CCDC171: variants seen among roughly 807,000 people sequenced by gnomAD.
CCDC171 encodes coiled-coil domain containing 171.
A neutral mutation model predicts 168.2 loss-of-function variants in CCDC171; 177 were observed. That is an observed-to-expected ratio of 1.05 (90% confidence interval 0.93 to 1.19). The LOEUF (loss-of-function observed/expected upper bound fraction) is 1.19, where lower values mean the gene tolerates loss of function less well. Among genes scored for constraint, CCDC171 ranks in the 50% most tolerant of loss-of-function variants. The pLI, the probability that CCDC171 is intolerant of heterozygous loss-of-function variation, is 0.00. For synonymous variants in CCDC171, 687 were observed against 540.8 expected (o/e 1.27, Z -3.75); for missense variants, 1,991 against 1,539.0 (o/e 1.29, Z -4.91).
At chr9:15,794,640 A>C (rs1056888898) in intron 21 of CCDC171, among the ~76,000 whole-genome samples, 1 of 152,214 alleles carries the variant, frequency 6.6e-6, no homozygotes, top group East Asian at 1.9e-4. Flanking sequence ...ACTGTGAGCT[A>C]AGAGTGGTTT....
At chr9:15,635,482 G>T (rs1388481866) in intron 7 of CCDC171, among the ~76,000 whole-genome samples, 1 of 152,098 alleles carries the variant, frequency 6.6e-6, no homozygotes, top group Non-Finnish European at 1.5e-5. Flanking sequence ...AAAGATGAAG[G>T]CTGGAACACT....
In CCDC171 at chr9:15,841,804, T is replaced by A. The variant is rs188792592; in HGVS notation, c.3268-4898T>A. The stretch of plus-strand genomic sequence containing the variant: ...TCTTTAGTTTCATTCCTAACTTGCT[T>A]ACCCGGCCCTATTGTAAATTTGGTT... On this transcript the variant is annotated intron_variant, in intron 21 of 25. Transcript: ENST00000380701. 3.3e-5 allele frequency among the ~76,000 whole-genome samples: 5 copies of A among 152,064 alleles called. No individual in the cohort carries two copies. The East Asian group carries it at 9.6e-4, about 29-fold the overall frequency.
At chr9:16,002,135 ATTT>A (rs76881347) in intron 3 of CCDC171, among the ~76,000 whole-genome samples, 2,799 of 102,530 alleles carry the variant, frequency 0.027, 81 homozygotes, top group African/African-American at 0.085. Context: ...GCCTACTATC[ATTT>A]TTTTTTTTTT....
At chr9:15,781,893 G>A (rs1302329675) in intron 20 of CCDC171, among the ~76,000 whole-genome samples, 1 of 151,960 alleles carries the variant, frequency 6.6e-6, no homozygotes, top group Non-Finnish European at 1.5e-5. Context: ...TTACAGATGG[G>A]GCTTTTGGAG....
chr9:15,834,480 A>G (rs994158516), intron 21 of CCDC171, among the ~76,000 whole-genome samples: 3 of 152,222 alleles, frequency 2.0e-5, no homozygotes, highest in Non-Finnish European at 2.9e-5. Flanking sequence ...GTTATATCAC[A>G]TCACTACTTA....
intron 20 of CCDC171, among the ~76,000 whole-genome samples, chr9:15,779,765 T>G (rs1470461909): frequency 6.6e-6 from 1 of 152,232 alleles, no homozygotes; most frequent in African/African-American, 2.4e-5. Flanking sequence ...CATCAATGAC[T>G]TATATGTATT....
At chr9:15,714,947 G>A (rs940687660) in intron 11 of CCDC171, among the ~76,000 whole-genome samples, 1 of 152,090 alleles carries the variant, frequency 6.6e-6, no homozygotes, top group African/African-American at 2.4e-5. Context: ...TTATTGCTTT[G>A]ACTCCACTAC....
intron 2 of CCDC171, among the ~76,000 whole-genome samples, chr9:15,567,786 T>C (rs1458226527): frequency 6.6e-6 from 1 of 152,044 alleles, no homozygotes; most frequent in Non-Finnish European, 1.5e-5. Context: ...CCTTAGTAGC[T>C]AGGACTACAG....
At chr9:15,706,216 T>TCTTC (rs148383501) in intron 11 of CCDC171, among the ~76,000 whole-genome samples, 61,976 of 149,278 alleles carry the variant, frequency 0.42, 13,531 homozygotes, top group East Asian at 0.76. Context: ...ACCCATGTAG[T>TCTTC]CTTCCTTCCT....
At chr9:15,967,172 A>G (rs1830881568) in intron 25 of CCDC171, among the ~76,000 whole-genome samples, 1 of 152,182 alleles carries the variant, frequency 6.6e-6, no homozygotes, top group Non-Finnish European at 1.5e-5. Context: ...ACTTTGTGAC[A>G]CTGAGTATTG....
chr9:15,946,202 A>G (rs199707682), intron 25 of CCDC171, among the ~76,000 whole-genome samples: 1 of 151,844 alleles, frequency 6.6e-6, no homozygotes, highest in Admixed American at 6.6e-5. Context: ...GATATATGGC[A>G]TTATTTCTGA....
intron 14 of CCDC171, among the ~76,000 whole-genome samples, chr9:15,727,519 T>A (rs2053882715): frequency 6.6e-6 from 1 of 152,224 alleles, no homozygotes. Context: ...GATAGGCTTA[T>A]AAACAATGAG....
rs188704590 is a variant in CCDC171 at position 15,643,066 on chromosome 9, T to A, written c.823-14061T>A. Among the ~76,000 whole-genome samples the A allele has an allele frequency of 1.5e-3, 226 of 152,212 alleles. 1 individual carries two copies. Among genetic ancestry groups the A allele is most frequent in the African/African-American group, 4.5e-3 (189 of 41,548 alleles). The stretch of plus-strand genomic sequence containing the variant: ...TCTGTGCCCTTTATTTGCTTTTTTT[T>A]TAAAAAAATTTATTTCCATAGGTTT... On this transcript the variant is annotated intron_variant, in intron 7 of 25. Coordinates refer to ENST00000380701, the MANE Select transcript of CCDC171 (RefSeq NM_173550.4).
intron 1 of CCDC171, among the ~76,000 whole-genome samples, chr9:15,562,151 C>T (rs181195180): frequency 3.9e-5 from 6 of 152,142 alleles, no homozygotes; most frequent in Admixed American, 3.9e-4. Context: ...CCCACCATCA[C>T]GCCCAGCTAA....
intron 25 of CCDC171, among the ~76,000 whole-genome samples, chr9:15,927,314 G>A (rs1440043746): frequency 1.3e-5 from 2 of 151,618 alleles, no homozygotes; most frequent in Admixed American, 6.6e-5. Flanking sequence ...AGGGCTTTGA[G>A]TAAAGAGCTT....
Position 15,623,288 on chromosome 9 carries a change from A to G in CCDC171, c.697A>G (p.Asn233Asp), listed in dbSNP as rs2044657818. 2 of 1,589,638 alleles carry G rather than the reference A, an allele frequency of 1.3e-6. No individual in the cohort carries two copies. Among genetic ancestry groups the G allele is most frequent in the East Asian group, 4.5e-5 (2 of 44,320 alleles). ...CCAGGAGCAAGATACTGCTGTGCAA[A>G]ATATGCATAAGAAAGTAGAAAAATT... Reference protein sequence around the residue: ...IVQEQDTAVQNMHKKVEKLET... With the variant: ...IVQEQDTAVQDMHKKVEKLET... Residue 233 changes from asparagine to aspartate, a missense_variant, in exon 7 of 26, where the codon AAT becomes GAT. Coordinates refer to ENST00000380701, the MANE Select transcript of CCDC171 (RefSeq NM_173550.4).
At chr9:15,577,345 C>T (rs933319826) in intron 3 of CCDC171, among the ~76,000 whole-genome samples, 1 of 152,134 alleles carries the variant, frequency 6.6e-6, no homozygotes, top group African/African-American at 2.4e-5. Context: ...TCCCTCAGGC[C>T]TTGTAGTAAA....
intron 21 of CCDC171, among the ~76,000 whole-genome samples, chr9:15,785,104 A>G (rs1468326924): frequency 6.6e-6 from 1 of 152,080 alleles, no homozygotes; most frequent in Admixed American, 6.6e-5. Context: ...TGATTCTTAT[A>G]TAAGTACATA....
chr9:15,666,444 G>A, intron 9 of CCDC171, 121 bp downstream of exon 9: 1 of 626,792 alleles, frequency 1.6e-6, no homozygotes, highest in Non-Finnish European at 2.6e-6. Flanking sequence ...GGTAGACTGG[G>A]GCAAGTGACT....
Sources: allele counts gnomAD v4.1 joint callset (sites outside exome capture counted in the v4.1 genomes callset), GRCh38; gene constraint gnomAD v4.1.1; transcripts MANE v1.5; gene names NCBI Gene and HGNC (gene_info 2026-07-23, HGNC 2026-07-21).